Variants in PRMT8 observed in about 807,000 individuals in gnomAD.
The protein encoded by PRMT8 is protein arginine N-methyltransferase 8.
In PRMT8, 7 loss-of-function variants were observed where a neutral mutation model predicts 47.1. The ratio of observed to expected loss-of-function variants is 0.15; its 90% CI spans 0.08 to 0.28. PRMT8 has a LOEUF of 0.28. Ranked by LOEUF, PRMT8 falls within the 10% of genes least tolerant of loss-of-function variation. The pLI is 1.00. For missense variants in PRMT8, 237 were observed against 505.4 expected, an observed-to-expected ratio of 0.47 and a Z score of 5.09; for synonymous variants, 188 against 186.5, an observed-to-expected ratio of 1.01 and a Z score of -0.07.
chr12:3,557,345 C>T lies in PRMT8; in HGVS notation c.481+3631C>T, dbSNP rs112135386. Among the ~76,000 whole-genome samples, 54 of 152,124 alleles carry T rather than the reference C, an allele frequency of 3.5e-4. No homozygotes were observed. The highest frequency in any genetic ancestry group is 1.2e-3 in the African/African-American group (51 of 41,496). On this transcript the variant is annotated intron_variant, in intron 4 of 9. Coordinates refer to ENST00000382622, the MANE Select transcript of PRMT8 (RefSeq NM_019854.5). The surrounding 1 kb of genome is among the most constrained non-coding windows in gnomAD (Gnocchi z 4.7). ...CTGGAAGTTGATGACAGTGATGGGC[C>T]GTGGGATCTAAGCTGGGCCAGGAAG...
chr12:3,384,869 G>A (rs986384071), intron 1 of PRMT8, among the ~76,000 whole-genome samples: 4 of 151,438 alleles, frequency 2.6e-5, no homozygotes, highest in African/African-American at 9.7e-5. Flanking sequence ...AGGACATTTA[G>A]CATCCCTGGC....
At chr12:3,568,677 A>C (rs1443667221) in intron 4 of PRMT8, 29 bp from the exon 5 acceptor site, 3 of 1,613,820 alleles carry the variant, frequency 1.9e-6, no homozygotes, top group South Asian at 2.2e-5. Flanking sequence ...GTCCCTGCAA[A>C]GTATGGCCCT....
chr12:3,452,012 C>T (rs1203709431), intron 1 of PRMT8, among the ~76,000 whole-genome samples: 1 of 152,168 alleles, frequency 6.6e-6, no homozygotes, highest in African/African-American at 2.4e-5. Flanking sequence ...AAAAACGCCT[C>T]CCATGGCCTG....
chr12:3,509,504 G>A (rs900244207), intron 1 of PRMT8, among the ~76,000 whole-genome samples: 5 of 152,162 alleles, frequency 3.3e-5, no homozygotes, highest in African/African-American at 1.2e-4. Context: ...AACTTTGTGA[G>A]AGTAGACACT....
At chr12:3,498,312 C>T (rs1160111472) in intron 1 of PRMT8, among the ~76,000 whole-genome samples, 2 of 152,092 alleles carry the variant, frequency 1.3e-5, no homozygotes, top group Non-Finnish European at 2.9e-5. Context: ...CGCTAGGCTG[C>T]GAAGGCATGA....
chr12:3,477,057 A>C (rs999376124), intron 1 of PRMT8, among the ~76,000 whole-genome samples: 1 of 152,286 alleles, frequency 6.6e-6, no homozygotes, highest in East Asian at 1.9e-4. Flanking sequence ...TATCATTGTG[A>C]TGGGAATGAG....
intron 2 of PRMT8, 131 bp downstream of exon 2, chr12:3,540,922 G>C: frequency 8.9e-7 from 1 of 1,123,838 alleles, no homozygotes; most frequent in South Asian, 1.5e-5. Flanking sequence ...TGAGTCCTCT[G>C]ACCCTTTCTC....
Position 3,472,533 on chromosome 12 carries a change from T to A in PRMT8, c.49-68073T>A, listed in dbSNP as rs541002846. 4.7e-4 allele frequency among the ~76,000 whole-genome samples: 71 copies of A among 152,308 alleles called. 1 individual carries two copies. The South Asian group carries it at 6.8e-3, about 15-fold the overall frequency. ...TGACATTGGGACAAGTTACTTAACT[T>A]CTCTGAGCCTCCTTTCCCTCAACTG... is the stretch of plus-strand genomic sequence containing the variant. On this transcript the variant is annotated intron_variant, in intron 1 of 9. Transcript: ENST00000452611.
intron 2 of PRMT8, among the ~76,000 whole-genome samples, chr12:3,542,314 G>C (rs1223915116): frequency 6.6e-6 from 1 of 152,196 alleles, no homozygotes; most frequent in Non-Finnish European, 1.5e-5. Flanking sequence ...GGAGGGCCTG[G>C]ACAGCTGAGC....
rs1366105749 is a variant in PRMT8, at chr12:3,580,701, T to A, written c.829-2357T>A. Among the ~76,000 whole-genome samples the A allele has an allele frequency of 6.6e-6, 1 of 152,000 alleles. No homozygotes were observed. The highest frequency in any genetic ancestry group is 1.5e-5 in the Non-Finnish European group (1 of 67,992). On this transcript the variant is annotated intron_variant, in intron 7 of 9. Coordinates refer to ENST00000382622, the MANE Select transcript of PRMT8 (RefSeq NM_019854.5). This position sits in a 1 kb window ranked among gnomAD's most constrained non-coding sequence, Gnocchi z 4.6. Reference sequence around the variant, plus strand: ...CTGCGATATGAGCCAGAAGTGAGATTGGAAGGCCATGCTACACTGGTGACG... The same window carrying A: ...CTGCGATATGAGCCAGAAGTGAGATAGGAAGGCCATGCTACACTGGTGACG...
chr12:3,510,707 A>G (rs766616026), intron 1 of PRMT8, among the ~76,000 whole-genome samples: 20 of 152,140 alleles, frequency 1.3e-4, no homozygotes, highest in Non-Finnish European at 2.6e-4. Context: ...AGGCTTAACC[A>G]AACTGCTGCC....
chr12:3,559,731 C>T (rs1866598551), intron 4 of PRMT8, among the ~76,000 whole-genome samples: 1 of 152,324 alleles, frequency 6.6e-6, no homozygotes, highest in South Asian at 2.1e-4. Flanking sequence ...ATGTCTGTCA[C>T]CCCATGCTGG....
At position 3,516,198 on chromosome 12, in the gene PRMT8, G is replaced by T. The variant is rs192448369; in HGVS notation, c.76-24408G>T. ...TTACCATAGGCCCTAGGGCTCTCTG[G>T]TATGGAGCTACCTGGCATGTGGCAG... On this transcript the variant is annotated intron_variant, in intron 1 of 9. Coordinates refer to ENST00000382622, the MANE Select transcript of PRMT8 (RefSeq NM_019854.5). 4.4e-4 allele frequency among the ~76,000 whole-genome samples: 67 copies of T among 152,330 alleles called. 2 individuals carry two copies. In the East Asian group the frequency reaches 0.012, roughly 28 times the overall value.
intron 1 of PRMT8, among the ~76,000 whole-genome samples, chr12:3,471,681 C>A (rs530349277): frequency 6.6e-6 from 1 of 151,716 alleles, no homozygotes; most frequent in Non-Finnish European, 1.5e-5. Flanking sequence ...TCTAGTCACA[C>A]GAGCAGCTGC....
At chr12:3,574,122 A>T (rs931548307) in intron 6 of PRMT8, 2 of 152,234 alleles carry the variant, frequency 1.3e-5, no homozygotes, top group African/African-American at 2.4e-5. Flanking sequence ...TGCAGGCATT[A>T]AATGTTTGGG....
Position 3,552,554 on chromosome 12 carries a change from G to A in PRMT8, c.418-1097G>A, listed in dbSNP as rs957971674. 3.0e-6 allele frequency: 1 copy of A among 331,948 alleles called. No individual in the cohort carries two copies. The highest frequency in any genetic ancestry group is 2.3e-5 in the South Asian group (1 of 43,898). 20.6% of individuals were successfully genotyped at this position (331,948 alleles called of 1,614,324 possible). Reference sequence around the variant, plus strand: ...ACATGGCCAGAGGGGGAGAAGAAGAGGAGGGAATCACACCCCACAGACAGT... The same window carrying A: ...ACATGGCCAGAGGGGGAGAAGAAGAAGAGGGAATCACACCCCACAGACAGT... On this transcript the variant is annotated intron_variant, in intron 3 of 9. Transcript: ENST00000382622. The surrounding 1 kb of genome is among the most constrained non-coding windows in gnomAD (Gnocchi z 4.5).
chr12:3,570,233 G>A lies in PRMT8; in HGVS notation c.712+669G>A, dbSNP rs58063187. ...AAAGCCAAAAAACTTCTCCTCCCCCGCAATGTTTTACCTGGTCTGAAAAGG... is the reference window on the plus strand; with the variant it reads ...AAAGCCAAAAAACTTCTCCTCCCCCACAATGTTTTACCTGGTCTGAAAAGG... On this transcript the variant is annotated intron_variant, in intron 6 of 9. Transcript: ENST00000382622. This position sits in a 1 kb window ranked among gnomAD's most constrained non-coding sequence, Gnocchi z 5.5. Among the ~76,000 whole-genome samples, 53 of 152,042 alleles carry A rather than the reference G, an allele frequency of 3.5e-4. No individual in the cohort carries two copies. The highest frequency in any genetic ancestry group is 2.5e-3 in the East Asian group (13 of 5,180).
rs561025953 is a variant in PRMT8, at chr12:3,567,811, T to C, written c.482-895T>C. 7.2e-5 allele frequency among the ~76,000 whole-genome samples: 11 copies of C among 152,246 alleles called. No homozygotes were observed. In the South Asian group the frequency reaches 8.3e-4, roughly 11 times the overall value. On this transcript the variant is annotated intron_variant, in intron 4 of 9. Transcript: ENST00000382622. ...CACATTGGCTGGCTGTGGTGGCTCA[T>C]GCCTGTAATCCCAGCACTTTGGGAG...
intron 1 of PRMT8, among the ~76,000 whole-genome samples, chr12:3,388,835 T>G (rs2137044546): frequency 6.6e-6 from 1 of 152,356 alleles, no homozygotes; most frequent in Middle Eastern, 3.4e-3. Context: ...AGACACAATT[T>G]ATTTCGTCTC....
Sources: gnomAD v4.1 joint callset for allele counts (sites outside exome capture counted in the v4.1 genomes callset) on GRCh38, gnomAD v4.1.1 for gene constraint, Gnocchi (gnomAD v3.1) non-coding constraint, MANE v1.5 for transcripts, NCBI Gene and HGNC (gene_info 2026-07-23, HGNC 2026-07-21) for gene names.